ZBTB7C: variants seen among roughly 807,000 people sequenced by gnomAD.
ZBTB7C encodes zinc finger and BTB domain containing 7C, also known as zinc finger and BTB domain-containing protein 7C.
A neutral mutation model predicts 25.7 loss-of-function variants in ZBTB7C; 8 were observed. That is an observed-to-expected ratio of 0.31 (90% CI 0.18 to 0.56). ZBTB7C has a LOEUF of 0.56. Among genes scored for constraint, ZBTB7C ranks in the 20% least tolerant of loss-of-function variants. ZBTB7C has a pLI of 0.91. For synonymous variants in ZBTB7C, 394 were observed against 369.0 expected (o/e 1.07, Z -0.78); for missense variants, 824 against 855.2 (o/e 0.96, Z 0.46).
intron 2 of ZBTB7C, among the ~76,000 whole-genome samples, chr18:48,287,095 T>C (rs2045080382): frequency 6.6e-6 from 1 of 152,212 alleles, no homozygotes; most frequent in Non-Finnish European, 1.5e-5. Flanking sequence ...TGTTCTCTGA[T>C]CTTAGTGTAA....
chr18:48,331,190 T>C (rs1332533601), intron 2 of ZBTB7C, among the ~76,000 whole-genome samples: 1 of 152,182 alleles, frequency 6.6e-6, no homozygotes, highest in Non-Finnish European at 1.5e-5. Flanking sequence ...CACCTCTGTG[T>C]CTTAGACGGC....
At chr18:48,124,681 T>G (rs1301883839) in intron 3 of ZBTB7C, among the ~76,000 whole-genome samples, 4 of 152,168 alleles carry the variant, frequency 2.6e-5, no homozygotes. Flanking sequence ...CCTGATAGGA[T>G]GCTGGCTGGC....
intron 3 of ZBTB7C, chr18:48,083,783 C>T (rs1429698311): frequency 2.1e-6 from 2 of 961,986 alleles, no homozygotes; most frequent in Non-Finnish European, 2.5e-6. Flanking sequence ...GGTAAGGAAA[C>T]TCCTTTGTTC....
At chr18:48,326,603 AAAAAG>A (rs1309433518) in intron 2 of ZBTB7C, among the ~76,000 whole-genome samples, 1 of 152,228 alleles carries the variant, frequency 6.6e-6, no homozygotes, top group South Asian at 2.1e-4. Flanking sequence ...CAATCAAAAA[AAAAAG>A]AAAGAAAACT....
intron 2 of ZBTB7C, among the ~76,000 whole-genome samples, chr18:48,241,550 G>C (rs944910673): frequency 1.3e-5 from 2 of 152,024 alleles, no homozygotes; most frequent in African/African-American, 4.8e-5. Flanking sequence ...ACTCCAAAAG[G>C]AACCCTCAAA....
chr18:48,220,187 G>A (rs1050961034), intron 2 of ZBTB7C, among the ~76,000 whole-genome samples: 3 of 152,184 alleles, frequency 2.0e-5, no homozygotes, highest in African/African-American at 4.8e-5. Context: ...TGAAGGCAGA[G>A]CACAGTTCAG....
intron 3 of ZBTB7C, chr18:48,148,807 T>C (rs1433112690): frequency 6.6e-6 from 1 of 152,228 alleles, no homozygotes; most frequent in African/African-American, 2.4e-5. Flanking sequence ...GCTGCACTTA[T>C]GTAAGTAATC....
chr18:48,212,595 G>T (rs905019819), intron 2 of ZBTB7C, among the ~76,000 whole-genome samples: 1 of 152,002 alleles, frequency 6.6e-6, no homozygotes, highest in African/African-American at 2.4e-5. Flanking sequence ...GGGGCAGGGG[G>T]TATAAGGGAA....
chr18:48,246,218 T>C (rs932625409), intron 2 of ZBTB7C, among the ~76,000 whole-genome samples: 2 of 151,972 alleles, frequency 1.3e-5, no homozygotes, highest in African/African-American at 4.8e-5. Flanking sequence ...TTTGGGAGGC[T>C]GAGGCGGGTG....
At chr18:48,272,338 G>A (rs940041335) in intron 2 of ZBTB7C, among the ~76,000 whole-genome samples, 4 of 152,188 alleles carry the variant, frequency 2.6e-5, no homozygotes, top group Non-Finnish European at 5.9e-5. Context: ...AGACACTAGA[G>A]CTTCTGGTTC....
At chr18:48,200,683 C>T (rs1018814662) in intron 2 of ZBTB7C, among the ~76,000 whole-genome samples, 77 of 152,308 alleles carry the variant, frequency 5.1e-4, no homozygotes, top group African/African-American at 1.8e-3. Flanking sequence ...ACCACAGGCA[C>T]CCTGCACCTC....
intron 3 of ZBTB7C, among the ~76,000 whole-genome samples, chr18:48,107,770 C>T (rs1186759745): frequency 6.6e-6 from 1 of 152,128 alleles, no homozygotes; most frequent in Non-Finnish European, 1.5e-5. Flanking sequence ...ACCCCTGGAG[C>T]TCAGGCACGA....
Position 48,142,543 on chromosome 18 carries a change from G to C in ZBTB7C, c.-17+43391C>G, listed in dbSNP as rs1478744760. Reference sequence around the variant, plus strand: ...TCTGCTCACAGCCTGAGGGCCCCAGGGCTGCCAGGGCCTCACCCTCCTCCC... The same window carrying C: ...TCTGCTCACAGCCTGAGGGCCCCAGCGCTGCCAGGGCCTCACCCTCCTCCC... On this transcript the variant is annotated intron_variant, in intron 3 of 4. Transcript: ENST00000590800. Among the ~76,000 whole-genome samples the C allele has an allele frequency of 2.6e-5, 4 of 152,180 alleles. No individual in the cohort carries two copies. In the East Asian group the frequency reaches 7.7e-4, roughly 29 times the overall value.
At chr18:48,090,783 C>T (rs966316663) in intron 3 of ZBTB7C, among the ~76,000 whole-genome samples, 4 of 152,354 alleles carry the variant, frequency 2.6e-5, no homozygotes, top group Admixed American at 2.6e-4. Context: ...GCCTGTCTTA[C>T]CAGAATCAGA....
intron 2 of ZBTB7C, among the ~76,000 whole-genome samples, chr18:48,291,380 G>A (rs927241478): frequency 1.3e-5 from 2 of 152,166 alleles, no homozygotes; most frequent in Admixed American, 1.3e-4. Context: ...ATTCAACAAA[G>A]CAGCAACAAA....
At chr18:48,302,764 T>C (rs1038797254) in intron 2 of ZBTB7C, among the ~76,000 whole-genome samples, 3 of 152,170 alleles carry the variant, frequency 2.0e-5, no homozygotes, top group Admixed American at 1.3e-4. Context: ...ACTCCAGTCT[T>C]GCTGGCAGCT....
At chr18:48,035,621 C>T (rs565315027) in intron 4 of ZBTB7C, among the ~76,000 whole-genome samples, 7 of 152,328 alleles carry the variant, frequency 4.6e-5, no homozygotes, top group African/African-American at 1.2e-4. Context: ...AAAAGGTGTG[C>T]GGGGGCCACC....
At chr18:48,244,388 C>T (rs1412990026) in intron 2 of ZBTB7C, among the ~76,000 whole-genome samples, 1 of 151,880 alleles carries the variant, frequency 6.6e-6, no homozygotes, top group Non-Finnish European at 1.5e-5. Flanking sequence ...GCACTCCAGC[C>T]TGGGCGACAG....
chr18:48,301,671 T>C lies in ZBTB7C; in HGVS notation c.-79+36503A>G, dbSNP rs369063108. On this transcript the variant is annotated intron_variant, in intron 2 of 4. Coordinates refer to ENST00000590800, the MANE Select transcript of ZBTB7C (RefSeq NM_001318841.2). ...AAGCGAGGCTAGTGGCTGTCTGTCA[T>C]GGACACTACCGAAAATGACTGATGA... Among the ~76,000 whole-genome samples, 273 of 152,294 alleles carry C rather than the reference T, an allele frequency of 1.8e-3. 2 individuals carry two copies. The highest frequency in any genetic ancestry group is 6.0e-3 in the African/African-American group (250 of 41,552).
Sources: allele counts gnomAD v4.1 joint callset (sites outside exome capture counted in the v4.1 genomes callset), GRCh38; gene constraint gnomAD v4.1.1; transcripts MANE v1.5; gene names NCBI Gene and HGNC (gene_info 2026-07-23, HGNC 2026-07-21).